LDHAL6A: variants seen among roughly 807,000 people sequenced by gnomAD.
LDHAL6A encodes L-lactate dehydrogenase A-like 6A.
A neutral mutation model predicts 28.2 loss-of-function variants in LDHAL6A; 19 were observed. The ratio of observed to expected loss-of-function variants is 0.67; its 90% CI spans 0.47 to 0.99. LDHAL6A has a LOEUF of 0.99. LDHAL6A is among the 50% of genes least tolerant of loss of function. LDHAL6A has a pLI of 0.00. For missense variants in LDHAL6A, 372 were observed against 398.6 expected (o/e 0.93, Z 0.57); for synonymous variants, 144 against 134.4 (o/e 1.07, Z -0.49).
At chr11:18,471,227 TGAGA>T (rs1554967864) in intron 3 of LDHAL6A, among the ~76,000 whole-genome samples, 1 of 146,636 alleles carries the variant, frequency 6.8e-6, no homozygotes, top group South Asian at 2.3e-4. Flanking sequence ...TTTTTTTTTT[TGAGA>T]GAGGGTTTTG....
intron 1 of LDHAL6A, among the ~76,000 whole-genome samples, chr11:18,461,197 T>C (rs1486418037): frequency 3.3e-5 from 5 of 150,422 alleles, no homozygotes; most frequent in African/African-American, 9.8e-5. Context: ...CAGGCTGGAG[T>C]GCAGTGGCGC....
At chr11:18,475,390 G>A in intron 3 of LDHAL6A, 76 bp from the exon 4 acceptor site, 1 of 1,200,730 alleles carries the variant, frequency 8.3e-7, no homozygotes, top group African/African-American at 1.5e-5. Context: ...AGATTTACTA[G>A]TTTTAAGTTA....
chr11:18,478,237 CAA>C (rs1245001770), intron 6 of LDHAL6A, among the ~76,000 whole-genome samples: 1 of 152,038 alleles, frequency 6.6e-6, no homozygotes, highest in East Asian at 1.9e-4. Context: ...TCACTGCAAA[CAA>C]AGTCATAGGA....
At chr11:18,468,657 T>C (rs1414309471) in intron 3 of LDHAL6A, 1 of 152,402 alleles carries the variant, frequency 6.6e-6, no homozygotes, top group East Asian at 1.9e-4. Flanking sequence ...ATAATGTTTT[T>C]CTATTTGGGA....
intron 3 of LDHAL6A, chr11:18,469,173 G>T: frequency 1.6e-6 from 1 of 634,914 alleles, no homozygotes; most frequent in Non-Finnish European, 2.8e-6. Context: ...AAGGCACCTG[G>T]TGGAGCTCCT....
intron 1 of LDHAL6A, among the ~76,000 whole-genome samples, chr11:18,459,746 G>A (rs1848849257): frequency 6.6e-6 from 1 of 152,144 alleles, no homozygotes; most frequent in Admixed American, 6.6e-5. Flanking sequence ...ATCCCATCCA[G>A]GATGATACCA....
intron 5 of LDHAL6A, among the ~76,000 whole-genome samples, chr11:18,477,254 T>C (rs548971123): frequency 6.6e-6 from 1 of 151,514 alleles, no homozygotes; most frequent in African/African-American, 2.4e-5. Flanking sequence ...AGATCAGGAG[T>C]ATGAGACCAG....
At chr11:18,456,987 A>G (rs990366162) in intron 1 of LDHAL6A, among the ~76,000 whole-genome samples, 181 bp downstream of exon 1, 1 of 152,148 alleles carries the variant, frequency 6.6e-6, no homozygotes, top group Admixed American at 6.5e-5. Context: ...TAAAAATTGT[A>G]TGATGATATC....
chr11:18,478,152 A>G (rs534752291), intron 6 of LDHAL6A, among the ~76,000 whole-genome samples: 1 of 152,276 alleles, frequency 6.6e-6, no homozygotes, highest in African/African-American at 2.4e-5. Flanking sequence ...CTCCTGGGGA[A>G]AGGGGAGTTG....
In LDHAL6A at chr11:18,477,649, AT is replaced by A. The variant is rs1849421187; in HGVS notation, c.741del (p.Tyr247Ter). ...SGYEMVKMKGYTSWGISLSVA... is the reference protein window; with the variant it reads ...SGYEMVKMKGXTSWGISLSVA... The stretch of plus-strand genomic sequence containing the variant: ...TATGAGATGGTCAAAATGAAAGGTT[AT>A]ACTTCTTGGGGCATTAGCCTATCTG... On this transcript the variant is annotated frameshift_variant, in exon 6 of 7. Coordinates refer to ENST00000280706, the MANE Select transcript of LDHAL6A (RefSeq NM_144972.5). LOFTEE classifies it high-confidence loss of function. 1 of 1,612,358 alleles carries A rather than the reference AT, an allele frequency of 6.2e-7. No individual in the cohort carries two copies. The highest frequency in any genetic ancestry group is 8.5e-7 in the Non-Finnish European group (1 of 1,179,604).
intron 1 of LDHAL6A, among the ~76,000 whole-genome samples, chr11:18,462,492 CCAGG>C: frequency 1.3e-5 from 2 of 151,712 alleles, no homozygotes; most frequent in Non-Finnish European, 2.9e-5. Flanking sequence ...AAAAAATTAG[CCAGG>C]TGTGGTGGCG....
chr11:18,465,814 A>G lies in LDHAL6A; in HGVS notation c.418+4A>G. The stretch of plus-strand genomic sequence containing the variant: ...CTGCTTATTGTTACTAATCCAGGTC[A>G]GCTTTGTTGTTTTAAATTTTCAACT... On this transcript the variant is annotated splice_donor_region_variant and intron_variant, in intron 3 of 6. Coordinates refer to ENST00000280706, the MANE Select transcript of LDHAL6A (RefSeq NM_144972.5). 6.2e-7 allele frequency: 1 copy of G among 1,608,424 alleles called. No individual in the cohort carries two copies. The highest frequency in any genetic ancestry group is 8.5e-7 in the Non-Finnish European group (1 of 1,176,764).
Position 18,456,544 on chromosome 11 carries a change from T to G in LDHAL6A, c.-137T>G, listed in dbSNP as rs1848760867. The G allele has an allele frequency of 2.8e-6, 2 of 716,008 alleles. No homozygotes were observed. Among genetic ancestry groups the G allele is most frequent in the Non-Finnish European group, 4.6e-6 (2 of 431,098 alleles). The allele number at this position is 716,008 out of a possible 1,614,324, so 44.4% of individuals were successfully genotyped here. On this transcript the variant is annotated 5_prime_UTR_variant, in exon 1 of 7. Transcript: ENST00000280706. Reference sequence around the variant, plus strand: ...GTCAGATTTGTCGGTCTTTTGTGTGTCTGCAGCACCTCCTTCCACACGGGC... The same window carrying G: ...GTCAGATTTGTCGGTCTTTTGTGTGGCTGCAGCACCTCCTTCCACACGGGC...
Position 18,479,282 on chromosome 11 carries a change from G to GC in LDHAL6A, c.*413dup, listed in dbSNP as rs949209028. On this transcript the variant is annotated 3_prime_UTR_variant, in exon 7 of 7. Transcript: ENST00000280706. ...GGGTGAGCCACTGTGCCTGGCCTTA[G>GC]CTTTGATTTAGTATCCAGATGATAG... The GC allele has an allele frequency of 6.6e-6, 1 of 150,918 alleles. No homozygotes were observed. Among genetic ancestry groups the GC allele is most frequent in the African/African-American group, 2.5e-5 (1 of 40,760 alleles). 9.3% of individuals were successfully genotyped at this position (150,918 alleles called of 1,614,324 possible). A position where few individuals can be genotyped will look rare whatever the true frequency, so the allele number is the denominator to read the frequency against.
intron 1 of LDHAL6A, among the ~76,000 whole-genome samples, chr11:18,461,776 C>T (rs1231096093): frequency 6.7e-5 from 10 of 148,338 alleles, no homozygotes; most frequent in Non-Finnish European, 1.0e-4. Flanking sequence ...CGCTTGAACC[C>T]GGGAAGGTGT....
rs181413720 is a variant in LDHAL6A, at chr11:18,463,291, A to C, written c.127-670A>C. ...GGAATGGTAGCTTTATAAGAAGAGG[A>C]AGACAGACCTGAATTTAGCAATCGC... On this transcript the variant is annotated intron_variant, in intron 1 of 6. Transcript: ENST00000280706. 6.6e-5 allele frequency among the ~76,000 whole-genome samples: 10 copies of C among 152,202 alleles called. No homozygotes were observed. In the East Asian group the frequency reaches 1.2e-3, roughly 18 times the overall value.
At chr11:18,460,103 G>A (rs775070471) in intron 1 of LDHAL6A, among the ~76,000 whole-genome samples, 3 of 152,124 alleles carry the variant, frequency 2.0e-5, no homozygotes, top group South Asian at 4.1e-4. Flanking sequence ...AATGTAAAGC[G>A]CTTGGCTTTG....
At chr11:18,459,020 G>GA (rs1210948887) in intron 1 of LDHAL6A, among the ~76,000 whole-genome samples, 3 of 151,982 alleles carry the variant, frequency 2.0e-5, no homozygotes, top group Non-Finnish European at 4.4e-5. Context: ...TAGATTTACA[G>GA]AAAAATTGAA....
chr11:18,475,992 G>C (rs1325886989), intron 4 of LDHAL6A, among the ~76,000 whole-genome samples: 1 of 27,480 alleles, frequency 3.6e-5, no homozygotes, highest in African/African-American at 7.4e-5. Flanking sequence ...TAAGGGATGG[G>C]TATAACTGAA....
Sources: gnomAD v4.1 joint callset for allele counts (sites outside exome capture counted in the v4.1 genomes callset) on GRCh38, gnomAD v4.1.1 for gene constraint, MANE v1.5 for transcripts, NCBI Gene and HGNC (gene_info 2026-07-23, HGNC 2026-07-21) for gene names.